The following FHOD3 variants were observed in gnomAD, a reference collection of about 807,000 sequenced individuals.
The protein encoded by FHOD3 is formin homology 2 domain containing 3.
A neutral mutation model predicts 173.0 loss-of-function variants in FHOD3; 90 were observed. The ratio of observed to expected loss-of-function variants is 0.52; its 90% CI spans 0.44 to 0.62. The LOEUF (loss-of-function observed/expected upper bound fraction) is 0.62, where lower values mean the gene tolerates loss of function less well. Ranked by LOEUF, FHOD3 falls within the 20% of genes least tolerant of loss-of-function variation. The pLI, the probability that FHOD3 is intolerant of heterozygous loss-of-function variation, is 0.00. For synonymous variants in FHOD3, 828 were observed against 823.0 expected, an observed-to-expected ratio of 1.01 and a Z score of -0.10; for missense variants, 1,945 against 2,034.7, an observed-to-expected ratio of 0.96 and a Z score of 0.85.
At chr18:36,450,118 G>T (rs73421017) in intron 3 of FHOD3, among the ~76,000 whole-genome samples, 18,320 of 152,092 alleles carry the variant, frequency 0.12, 3,020 homozygotes, top group African/African-American at 0.36. Flanking sequence ...ATCATTCTTA[G>T]ATCTTTGTAT....
chr18:36,481,650 T>G (rs2053905669), intron 3 of FHOD3, among the ~76,000 whole-genome samples: 1 of 152,170 alleles, frequency 6.6e-6, no homozygotes, highest in Non-Finnish European at 1.5e-5. Context: ...GTGTCTCACC[T>G]TGAAATAAAC....
chr18:36,504,067 T>C (rs945835390), intron 4 of FHOD3, among the ~76,000 whole-genome samples: 7 of 152,176 alleles, frequency 4.6e-5, no homozygotes, highest in Non-Finnish European at 8.8e-5. Flanking sequence ...ATTACAGGCA[T>C]CCACCACCAC....
intron 1 of FHOD3, among the ~76,000 whole-genome samples, chr18:36,309,118 G>A (rs947173789): frequency 6.6e-6 from 1 of 152,190 alleles, no homozygotes; most frequent in Non-Finnish European, 1.5e-5. Context: ...GGGTGGGGTG[G>A]GTATTGGGGT....
At position 36,561,959 on chromosome 18, in the gene FHOD3, G is replaced by GTGTATTGTATTGTATTGTATTGTAT. The variant is rs36233913; in HGVS notation, c.512-14445_512-14421dup. On this transcript the variant is annotated intron_variant, in intron 5 of 28. Coordinates refer to ENST00000590592, the MANE Select transcript of FHOD3 (RefSeq NM_001281740.3). ...GTAGGCAAGTGACTACTACTACACT[G>GTGTATTGTATTGTATTGTATTGTAT]TGTATTGTATTGTATTGTATTGTAT... is the stretch of plus-strand genomic sequence containing the variant. 1.3e-3 allele frequency among the ~76,000 whole-genome samples: 171 copies of GTGTATTGTATTGTATTGTATTGTAT among 127,174 alleles called. 3 individuals carry two copies. Among genetic ancestry groups the GTGTATTGTATTGTATTGTATTGTAT allele is most frequent in the East Asian group, 4.0e-3 (17 of 4,200 alleles). The allele number at this position is 127,174 out of a possible 152,430, so 83.4% of individuals were successfully genotyped here.
chr18:36,590,800 G>T (rs1022888194), intron 6 of FHOD3, among the ~76,000 whole-genome samples: 1 of 152,214 alleles, frequency 6.6e-6, no homozygotes, highest in Non-Finnish European at 1.5e-5. Flanking sequence ...AGGAGGCTTT[G>T]CTAGAAAACA....
At chr18:36,641,307 G>A (rs17680225) in intron 10 of FHOD3, among the ~76,000 whole-genome samples, 10,792 of 152,256 alleles carry the variant, frequency 0.071, 667 homozygotes, top group East Asian at 0.24. Flanking sequence ...ACTGTGTAAG[G>A]CTAGGGTGAG....
chr18:36,428,596 GTGTC>G (rs34005642), intron 3 of FHOD3, among the ~76,000 whole-genome samples: 11,732 of 152,128 alleles, frequency 0.077, 1,470 homozygotes, highest in African/African-American at 0.27. Flanking sequence ...CCAGGCATCT[GTGTC>G]TGTCTGTCTG....
intron 5 of FHOD3, chr18:36,544,641 G>A (rs1302988276): frequency 6.6e-6 from 1 of 152,334 alleles, no homozygotes; most frequent in African/African-American, 2.4e-5. Context: ...GAACCACCCT[G>A]GCATGCGGAG....
chr18:36,522,042 C>G (rs1174121297), intron 5 of FHOD3, among the ~76,000 whole-genome samples: 1 of 152,162 alleles, frequency 6.6e-6, no homozygotes, highest in African/African-American at 2.4e-5. Context: ...AGTATTTTGG[C>G]CCTCTATGCA....
intron 3 of FHOD3, among the ~76,000 whole-genome samples, chr18:36,458,366 A>G (rs1216159428): frequency 1.3e-5 from 2 of 152,196 alleles, no homozygotes; most frequent in Admixed American, 6.5e-5. Context: ...TATAAGGAGT[A>G]ACAGAAAAGA....
intron 23 of FHOD3, among the ~76,000 whole-genome samples, chr18:36,745,152 C>T (rs1395726591): frequency 6.6e-6 from 1 of 152,150 alleles, no homozygotes; most frequent in Non-Finnish European, 1.5e-5. Flanking sequence ...ACAGCCCTGG[C>T]TTGTGGGGAC....
intron 8 of FHOD3, among the ~76,000 whole-genome samples, chr18:36,603,270 T>C (rs1166088296): frequency 1.3e-5 from 2 of 152,068 alleles, no homozygotes; most frequent in African/African-American, 2.4e-5. Flanking sequence ...AGCCACACCA[T>C]GTGTACACCC....
At chr18:36,433,344 A>G (rs967027704) in intron 3 of FHOD3, among the ~76,000 whole-genome samples, 2 of 152,352 alleles carry the variant, frequency 1.3e-5, no homozygotes, top group South Asian at 4.1e-4. Context: ...ACACAGGATT[A>G]GTCAGTAACA....
rs543831510 is a variant in FHOD3 at position 36,532,739 on chromosome 18, C to T, written c.511+20196C>T. 5.9e-5 allele frequency among the ~76,000 whole-genome samples: 9 copies of T among 152,332 alleles called. No individual in the cohort carries two copies. The South Asian group carries it at 1.7e-3, about 28-fold the overall frequency. On this transcript the variant is annotated intron_variant, in intron 5 of 28. Transcript: ENST00000590592. ...ACCGGGTCCCACCCACACCTGGAAGCAGAGAAATCACCCTCTAACCTCAAC... is the reference window on the plus strand; with the variant it reads ...ACCGGGTCCCACCCACACCTGGAAGTAGAGAAATCACCCTCTAACCTCAAC...
chr18:36,770,873 G>GT (rs1258755977), intron 28 of FHOD3, among the ~76,000 whole-genome samples: 1 of 152,158 alleles, frequency 6.6e-6, no homozygotes, highest in Non-Finnish European at 1.5e-5. Flanking sequence ...GGCATTAGGT[G>GT]TGGGCTCTCT....
intron 3 of FHOD3, among the ~76,000 whole-genome samples, chr18:36,439,045 T>G: frequency 6.6e-6 from 1 of 152,136 alleles, no homozygotes; most frequent in East Asian, 1.9e-4. Flanking sequence ...ATGGAAACTC[T>G]GGACGAGAAA....
rs1004369639 is a variant in FHOD3, at chr18:36,682,610, T to C, written c.1970+1040T>C. 2.6e-5 allele frequency among the ~76,000 whole-genome samples: 4 copies of C among 152,170 alleles called. No homozygotes were observed. In the South Asian group the frequency reaches 8.3e-4, roughly 32 times the overall value. ...TTTTGTTTTGTTTTTTGAGACAGAG[T>C]CTCACTTTGTTGCCCAGGCTGGAGT... On this transcript the variant is annotated intron_variant, in intron 15 of 28. Transcript: ENST00000590592.
At chr18:36,472,177 A>T (rs1370948765) in intron 3 of FHOD3, among the ~76,000 whole-genome samples, 1 of 152,218 alleles carries the variant, frequency 6.6e-6, no homozygotes, top group Non-Finnish European at 1.5e-5. Flanking sequence ...ATTAAGATGC[A>T]GCTTTTATAA....
chr18:36,407,341 C>G (rs1282195137), intron 3 of FHOD3, among the ~76,000 whole-genome samples: 1 of 152,188 alleles, frequency 6.6e-6, no homozygotes, highest in African/African-American at 2.4e-5. Flanking sequence ...CATTGATCCT[C>G]CCTCATATAC....
Sources: allele counts gnomAD v4.1 joint callset (sites outside exome capture counted in the v4.1 genomes callset), GRCh38; gene constraint gnomAD v4.1.1; transcripts MANE v1.5; gene names NCBI Gene and HGNC (gene_info 2026-07-23, HGNC 2026-07-21).